The following IPMK variants were observed in gnomAD, a reference collection of about 807,000 sequenced individuals.
IPMK encodes the protein inositol polyphosphate multikinase.
IPMK carries 17 observed loss-of-function variants against 45.8 expected under a neutral mutation model. The observed-to-expected ratio is 0.37, with a 90% CI of 0.25 to 0.56. The LOEUF (loss-of-function observed/expected upper bound fraction) is 0.56, where lower values mean the gene tolerates loss of function less well. Ranked by LOEUF, IPMK falls within the 20% of genes least tolerant of loss-of-function variation. IPMK has a pLI of 0.79. For missense variants in IPMK, 399 were observed against 498.0 expected (o/e 0.80, Z 1.89); for synonymous variants, 180 against 184.3 (o/e 0.98, Z 0.19).
intron 3 of IPMK, among the ~76,000 whole-genome samples, chr10:58,224,420 A>G (rs1159458056): frequency 6.6e-6 from 1 of 152,214 alleles, no homozygotes; most frequent in Non-Finnish European, 1.5e-5. Flanking sequence ...TTCAAAGATA[A>G]TTGCCAACAA....
intron 4 of IPMK, among the ~76,000 whole-genome samples, chr10:58,201,527 G>C (rs915237932): frequency 6.6e-6 from 1 of 152,126 alleles, no homozygotes; most frequent in East Asian, 1.9e-4. Context: ...CTGACCAGCT[G>C]TTCCCCCATC....
chr10:58,248,095 G>T (rs187368971), intron 1 of IPMK, among the ~76,000 whole-genome samples: 221 of 151,808 alleles, frequency 1.5e-3, no homozygotes, highest in Admixed American at 2.7e-3. Context: ...AAAGTGCAAA[G>T]AATAAAAAAC....
At chr10:58,263,686 AAAAC>A (rs1475829712) in intron 1 of IPMK, among the ~76,000 whole-genome samples, 1 of 152,164 alleles carries the variant, frequency 6.6e-6, no homozygotes, top group African/African-American at 2.4e-5. Flanking sequence ...CCTGTCTCAA[AAAAC>A]AAACAAACAA....
intron 2 of IPMK, among the ~76,000 whole-genome samples, chr10:58,227,751 T>C (rs778137051): frequency 2.0e-5 from 3 of 151,780 alleles, no homozygotes; most frequent in African/African-American, 7.3e-5. Flanking sequence ...CCATTAATAA[T>C]GCTAAAAGAT....
chr10:58,221,886 C>G (rs948670829), intron 3 of IPMK, among the ~76,000 whole-genome samples: 2 of 152,036 alleles, frequency 1.3e-5, no homozygotes, highest in Non-Finnish European at 2.9e-5. Context: ...GTAGCTGGGA[C>G]TACAGGTGCC....
chr10:58,264,393 CCCA>C (rs1839118152), intron 1 of IPMK, among the ~76,000 whole-genome samples: 1 of 152,088 alleles, frequency 6.6e-6, no homozygotes, highest in Admixed American at 6.6e-5. Flanking sequence ...GTCTTTCTCC[CCCA>C]CAACAATTAT....
chr10:58,239,853 C>T (rs191574898), intron 1 of IPMK, among the ~76,000 whole-genome samples: 1 of 152,270 alleles, frequency 6.6e-6, no homozygotes, highest in Admixed American at 6.5e-5. Context: ...TACACTGAAA[C>T]TGAGACTGCA....
intron 4 of IPMK, among the ~76,000 whole-genome samples, chr10:58,211,599 G>A (rs1387736449): frequency 6.6e-6 from 1 of 151,928 alleles, no homozygotes; most frequent in Non-Finnish European, 1.5e-5. Context: ...GCTCATGCTT[G>A]CAGTCCCAGC....
intron 4 of IPMK, among the ~76,000 whole-genome samples, chr10:58,203,848 T>C (rs1489389056): frequency 6.6e-6 from 1 of 152,182 alleles, no homozygotes; most frequent in Non-Finnish European, 1.5e-5. Context: ...ACCTTTCATT[T>C]AAAAAAGAGT....
chr10:58,263,730 T>G (rs568330520), intron 1 of IPMK, among the ~76,000 whole-genome samples: 3 of 152,274 alleles, frequency 2.0e-5, no homozygotes, highest in Admixed American at 6.5e-5. Context: ...CAGACTACAC[T>G]TGAATCAGAC....
chr10:58,200,105 A>G (rs1213308158), intron 4 of IPMK, among the ~76,000 whole-genome samples: 1 of 152,140 alleles, frequency 6.6e-6, no homozygotes, highest in Admixed American at 6.5e-5. Context: ...TGAGATTATA[A>G]TAAAAATACC....
At chr10:58,210,629 C>T (rs761850243) in intron 4 of IPMK, among the ~76,000 whole-genome samples, 1 of 152,154 alleles carries the variant, frequency 6.6e-6, no homozygotes, top group Non-Finnish European at 1.5e-5. Flanking sequence ...GGAGTACCTA[C>T]GAGGCTGTTC....
intron 1 of IPMK, among the ~76,000 whole-genome samples, chr10:58,247,986 C>T (rs1838827237): frequency 6.6e-6 from 1 of 152,072 alleles, no homozygotes; most frequent in Non-Finnish European, 1.5e-5. Flanking sequence ...GTATGTGTTG[C>T]CCCTTTTTTC....
Position 58,195,035 on chromosome 10 carries a change from C to A in IPMK, c.*1041G>T, listed in dbSNP as rs1187896175. The A allele has an allele frequency of 6.6e-6, 1 of 151,872 alleles. No individual in the cohort carries two copies. Among genetic ancestry groups the A allele is most frequent in the Non-Finnish European group, 1.5e-5 (1 of 67,860 alleles). 9.4% of individuals were successfully genotyped at this position (151,872 alleles called of 1,614,324 possible). ...TAGATACGCACCAAACCCTATATTA[C>A]GGACTAATTTACACACAGTATTTTT... On this transcript the variant is annotated 3_prime_UTR_variant, in exon 6 of 6. Transcript: ENST00000373935.
intron 1 of IPMK, among the ~76,000 whole-genome samples, chr10:58,249,226 T>C (rs1396152099): frequency 6.6e-6 from 1 of 152,178 alleles, no homozygotes; most frequent in Non-Finnish European, 1.5e-5. Flanking sequence ...ATGTATATGT[T>C]GTTGTTGTTT....
At chr10:58,256,478 T>C (rs1838969356) in intron 1 of IPMK, among the ~76,000 whole-genome samples, 1 of 152,164 alleles carries the variant, frequency 6.6e-6, no homozygotes, top group South Asian at 2.1e-4. Flanking sequence ...ATCAAGACAA[T>C]GCATGCCCAG....
intron 2 of IPMK, among the ~76,000 whole-genome samples, chr10:58,229,883 G>A (rs1468922073): frequency 6.6e-6 from 1 of 152,146 alleles, no homozygotes; most frequent in Non-Finnish European, 1.5e-5. Context: ...AGCACAAGGA[G>A]TTGGGGGATT....
At chr10:58,265,147 G>A (rs1839131370) in intron 1 of IPMK, among the ~76,000 whole-genome samples, 1 of 152,152 alleles carries the variant, frequency 6.6e-6, no homozygotes, top group Admixed American at 6.5e-5. Flanking sequence ...ACTAATATAT[G>A]CTTGTTACTT....
intron 1 of IPMK, 29 bp from the exon 2 acceptor site, chr10:58,237,843 AT>A: frequency 6.7e-7 from 1 of 1,486,696 alleles, no homozygotes; most frequent in African/African-American, 1.4e-5. Context: ...AAATTGTTTA[AT>A]GCTTTAATAA....
Sources: allele counts gnomAD v4.1 joint callset (sites outside exome capture counted in the v4.1 genomes callset), GRCh38; gene constraint gnomAD v4.1.1; transcripts MANE v1.5; gene names NCBI Gene and HGNC (gene_info 2026-07-23, HGNC 2026-07-21).